The following MGST3 variants were observed in gnomAD, a reference collection of about 807,000 sequenced individuals.
MGST3 encodes the protein microsomal glutathione S-transferase 3.
A neutral mutation model predicts 15.8 loss-of-function variants in MGST3; 13 were observed. The observed-to-expected ratio is 0.82, with a 90% CI of 0.54 to 1.31. The LOEUF is 1.31. Ranked by LOEUF, MGST3 falls within the 50% of genes most tolerant of loss-of-function variation. MGST3 has a pLI of 0.00. For missense variants in MGST3, 155 were observed against 192.4 expected, an observed-to-expected ratio of 0.81 and a Z score of 1.15; for synonymous variants, 49 against 68.1, an observed-to-expected ratio of 0.72 and a Z score of 1.38.
intron 1 of MGST3, among the ~76,000 whole-genome samples, chr1:165,638,794 T>TAAA (rs34399622): frequency 6.8e-6 from 1 of 146,564 alleles, no homozygotes. Flanking sequence ...GACTCCGTCT[T>TAAA]AAAAAAAAAA....
intron 4 of MGST3, chr1:165,654,018 G>T: frequency 2.2e-6 from 1 of 462,556 alleles, no homozygotes. Context: ...GCAAGTGGGG[G>T]GATTCCTTCT....
At chr1:165,650,103 T>A in intron 2 of MGST3, 139 bp downstream of exon 2, 1 of 1,270,986 alleles carries the variant, frequency 7.9e-7, no homozygotes, top group Non-Finnish European at 1.1e-6. Context: ...TGTTAGCGAT[T>A]CTGCTTCTTC....
chr1:165,638,876 C>T (rs1279675152), intron 1 of MGST3, among the ~76,000 whole-genome samples: 1 of 151,924 alleles, frequency 6.6e-6, no homozygotes, highest in African/African-American at 2.4e-5. Context: ...AAACCAGCCA[C>T]TAATAACATA....
intron 4 of MGST3, chr1:165,653,854 T>C (rs919796518): frequency 3.6e-6 from 1 of 275,924 alleles, no homozygotes; most frequent in Non-Finnish European, 7.0e-6. Flanking sequence ...CAGCTGAGTC[T>C]TCAGTCAATC....
At chr1:165,651,350 T>C in intron 3 of MGST3, 1 of 522,336 alleles carries the variant, frequency 1.9e-6, no homozygotes, top group South Asian at 2.0e-5. Context: ...TTTTGCAGCA[T>C]GACCCATCTA....
At chr1:165,635,027 A>T (rs1648070344) in intron 1 of MGST3, among the ~76,000 whole-genome samples, 1 of 151,772 alleles carries the variant, frequency 6.6e-6, no homozygotes, top group Non-Finnish European at 1.5e-5. Context: ...GCTTCATTTA[A>T]TGCATTATGA....
chr1:165,649,637 A>G (rs1209268012), intron 1 of MGST3: 3 of 583,856 alleles, frequency 5.1e-6, no homozygotes, highest in East Asian at 3.1e-5. Context: ...TTTTCTGTGT[A>G]TAGACTGCAT....
At chr1:165,641,682 T>G (rs1648269766) in intron 1 of MGST3, among the ~76,000 whole-genome samples, 1 of 152,216 alleles carries the variant, frequency 6.6e-6, no homozygotes, top group South Asian at 2.1e-4. Context: ...TGGGTAGTAT[T>G]TTCCCTGTTT....
chr1:165,654,197 A>C (rs1453720285), intron 4 of MGST3, 82 bp from the exon 5 acceptor site: 1 of 1,331,242 alleles, frequency 7.5e-7, no homozygotes, highest in Non-Finnish European at 1.1e-6. Flanking sequence ...TTTTGCTAAC[A>C]TATTGTGTAA....
At chr1:165,638,193 A>G (rs975956200) in intron 1 of MGST3, among the ~76,000 whole-genome samples, 1 of 152,240 alleles carries the variant, frequency 6.6e-6, no homozygotes, top group Non-Finnish European at 1.5e-5. Context: ...TTAAAACATT[A>G]TAGGGCCAGG....
intron 1 of MGST3, among the ~76,000 whole-genome samples, chr1:165,645,060 C>T (rs1290010234): frequency 6.6e-6 from 1 of 151,916 alleles, no homozygotes; most frequent in Non-Finnish European, 1.5e-5. Context: ...CATGCCCGGC[C>T]AAAAATTGTT....
rs1648688594 is a variant in MGST3 at position 165,655,623 on chromosome 1, CCTGA to C, written c.*122_*125del. Reference sequence around the variant, plus strand: ...TGGCATCAGCCTCATACCTAAAACTCCTGACTCTTACCACTCATTTCCGTTTGAG... The same window carrying C: ...TGGCATCAGCCTCATACCTAAAACTCCTCTTACCACTCATTTCCGTTTGAG... On this transcript the variant is annotated 3_prime_UTR_variant, in exon 6 of 6. Coordinates refer to ENST00000367889, the MANE Select transcript of MGST3 (RefSeq NM_004528.4). 1 of 1,230,044 alleles carries C rather than the reference CCTGA, an allele frequency of 8.1e-7. No homozygotes were observed. The highest frequency in any genetic ancestry group is 1.2e-6 in the Non-Finnish European group (1 of 866,640). 76.2% of individuals were successfully genotyped at this position (1,230,044 alleles called of 1,614,324 possible). A position where few individuals can be genotyped will look rare whatever the true frequency, so the allele number is the denominator to read the frequency against.
chr1:165,653,880 C>T (rs1421385713), intron 4 of MGST3: 2 of 300,594 alleles, frequency 6.7e-6, no homozygotes, highest in Non-Finnish European at 1.3e-5. Context: ...CTCAGAGGCC[C>T]ATTTGAGAAA....
At chr1:165,646,620 C>T (rs1420065548) in intron 1 of MGST3, 1 of 152,194 alleles carries the variant, frequency 6.6e-6, no homozygotes, top group Non-Finnish European at 1.5e-5. Context: ...TACTTTATAC[C>T]AGACACTGTG....
intron 1 of MGST3, chr1:165,632,103 A>G: frequency 1.4e-6 from 1 of 718,286 alleles, no homozygotes; most frequent in South Asian, 1.8e-5. Context: ...TTTCCTTGAG[A>G]GTCACGAGTT....
intron 4 of MGST3, among the ~76,000 whole-genome samples, chr1:165,652,830 T>A (rs954655194): frequency 3.3e-5 from 5 of 152,326 alleles, no homozygotes; most frequent in African/African-American, 1.2e-4. Flanking sequence ...GCAGTATAGA[T>A]AGCCCTGTGG....
chr1:165,638,316 TA>T (rs1292733252), intron 1 of MGST3, among the ~76,000 whole-genome samples: 1 of 150,638 alleles, frequency 6.6e-6, no homozygotes, highest in Admixed American at 6.6e-5. Flanking sequence ...CCGTCTGTAC[TA>T]AAAATACAAA....
rs537874680 is a variant in MGST3 at position 165,634,303 on chromosome 1, T to G, written c.-8+3010T>G. On this transcript the variant is annotated intron_variant, in intron 1 of 5. Coordinates refer to ENST00000367889, the MANE Select transcript of MGST3 (RefSeq NM_004528.4). Reference sequence around the variant, plus strand: ...TGTGCTCTGTGATCGCTGTGTGACCTTGGGCAGGTCACTTAACCTTTCTGG... The same window carrying G: ...TGTGCTCTGTGATCGCTGTGTGACCGTGGGCAGGTCACTTAACCTTTCTGG... 1.1e-4 allele frequency among the ~76,000 whole-genome samples: 17 copies of G among 152,296 alleles called. No homozygotes were observed. In the South Asian group the frequency reaches 3.3e-3, roughly 30 times the overall value.
At chr1:165,631,369 C>T (rs4147594) in intron 1 of MGST3, 76 bp downstream of exon 1, 65,246 of 152,658 alleles carry the variant, frequency 0.43, 15,433 homozygotes, top group East Asian at 0.78. Context: ...AGGGCACTCC[C>T]ATATTTCAGC....
Sources: allele counts gnomAD v4.1 joint callset (sites outside exome capture counted in the v4.1 genomes callset), GRCh38; gene constraint gnomAD v4.1.1; transcripts MANE v1.5; gene names NCBI Gene and HGNC (gene_info 2026-07-23, HGNC 2026-07-21).